The following ARHGAP30 variants were observed in gnomAD, a reference collection of about 807,000 sequenced individuals.
ARHGAP30 encodes the protein rho GTPase-activating protein 30.
In ARHGAP30, 23 loss-of-function variants were observed where a neutral mutation model predicts 72.0. The ratio of observed to expected loss-of-function variants is 0.32; its 90% CI spans 0.23 to 0.45. The LOEUF is 0.45. Ranked by LOEUF, ARHGAP30 falls within the 20% of genes least tolerant of loss-of-function variation. The probability of loss-of-function intolerance (pLI) is 1.00; values close to 1 mark genes in which losing one functional copy is unlikely to be tolerated. For synonymous variants in ARHGAP30, 576 were observed against 528.2 expected (o/e 1.09, Z -1.24); for missense variants, 1,319 against 1,383.4 (o/e 0.95, Z 0.74).
At position 161,055,822 on chromosome 1, in the gene ARHGAP30, T is replaced by C. The variant is rs1278554162; in HGVS notation, c.345+566A>G. Among the ~76,000 whole-genome samples, 128 of 38,146 alleles carry C rather than the reference T, an allele frequency of 3.4e-3. 1 individual carries two copies. The highest frequency in any genetic ancestry group is 6.2e-3 in the Non-Finnish European group (102 of 16,544). 25.0% of individuals were successfully genotyped at this position (38,146 alleles called of 152,430 possible). A position where few individuals can be genotyped will look rare whatever the true frequency, so the allele number is the denominator to read the frequency against. ...AATAAAATAATAAAATAAAATAAAA[T>C]AAAATAAAATAAAATAAAATAAATA... On this transcript the variant is annotated intron_variant, in intron 3 of 11. Transcript: ENST00000368013.
chr1:161,059,124 G>T (rs1249473198), intron 2 of ARHGAP30, among the ~76,000 whole-genome samples: 1 of 151,812 alleles, frequency 6.6e-6, no homozygotes, highest in Non-Finnish European at 1.5e-5. Context: ...TGCCTCCTGG[G>T]TTGGAGCAAT....
intron 1 of ARHGAP30, among the ~76,000 whole-genome samples, chr1:161,063,754 G>A (rs1398504971): frequency 6.6e-6 from 1 of 152,172 alleles, no homozygotes; most frequent in Non-Finnish European, 1.5e-5. Context: ...TCTCAGCATG[G>A]GATATCCCTG....
chr1:161,061,447 C>CCAGA (rs1170798581), intron 1 of ARHGAP30, among the ~76,000 whole-genome samples: 33 of 150,308 alleles, frequency 2.2e-4, no homozygotes, highest in African/African-American at 7.6e-4. Context: ...GCCACCGCGC[C>CCAGA]TGACCTGCTT....
intron 2 of ARHGAP30, among the ~76,000 whole-genome samples, chr1:161,057,553 G>A (rs750885150): frequency 1.1e-4 from 16 of 151,898 alleles, no homozygotes; most frequent in African/African-American, 3.4e-4. Flanking sequence ...TAGGAGGATC[G>A]CTTGAGCCTA....
chr1:161,053,377 T>G lies in ARHGAP30; in HGVS notation c.545A>C (p.Asp182Ala). ...VWAPNLLRSK[D>A]IEASGFNGTA... ...CCCATTGAAGCCTGAGGCCTCTATG[T>G]CCTTAGACCTGTGGAGATGTGGAAT... Residue 182 changes from aspartate to alanine, a missense_variant, in exon 6 of 12, where the codon GAC (aspartate) becomes GCC (alanine). By Grantham distance (126) the Asp-to-Ala change is moderately radical. Around this residue, in one of 2 missense-constraint regions of ARHGAP30, gnomAD observed 222 missense variants for 338.2 expected, o/e 0.66. Transcript: ENST00000368013. The G allele has an allele frequency of 6.2e-7, 1 of 1,613,894 alleles. No homozygotes were observed. Among genetic ancestry groups the G allele is most frequent in the Non-Finnish European group, 8.5e-7 (1 of 1,179,986 alleles).
Position 161,048,244 on chromosome 1 carries a change from G to A in ARHGAP30, c.2777C>T (p.Ser926Phe), listed in dbSNP as rs1651027550. The change falls in exon 12 of 12, where the codon TCC (serine) becomes TTC (phenylalanine). Residue 926 changes from serine to phenylalanine, a missense_variant. Physicochemically the swap from Ser to Phe is radical, Grantham distance 155. Coordinates refer to ENST00000368013, the MANE Select transcript of ARHGAP30 (RefSeq NM_001025598.2). The stretch of plus-strand genomic sequence containing the variant: ...GACCTGTTGGACCTGAACCAGAGTG[G>A]AAGCTAGACGCATGCCCACGCCACC... ...GLGGVGMRLA[S>F]TLVQVQQVRS... 6.2e-7 allele frequency: 1 copy of A among 1,614,062 alleles called. No individual in the cohort carries two copies. The highest frequency in any genetic ancestry group is 1.3e-5 in the African/African-American group (1 of 74,922).
chr1:161,063,645 G>A (rs1485625257), intron 1 of ARHGAP30, among the ~76,000 whole-genome samples: 1 of 152,264 alleles, frequency 6.6e-6, no homozygotes, highest in East Asian at 1.9e-4. Flanking sequence ...GGGAATAAGA[G>A]AGATAACCTT....
At position 161,052,682 on chromosome 1, in the gene ARHGAP30, G is replaced by A. The variant is rs751561911; in HGVS notation, c.780C>T (p.Gly260=). 1.9e-6 allele frequency: 3 copies of A among 1,613,698 alleles called. No individual in the cohort carries two copies. The highest frequency in any genetic ancestry group is 4.5e-5 in the East Asian group (2 of 44,874). ...AGGGCCGCATCTGTGGGGGTCCATC[G>A]CCAGCCTGCAGTATGCTAGGCAGGT... The part of the protein sequence containing the change: ...PYHLPSILQA[G]DGPPQMRPYH... The change falls in exon 7 of 12, where the codon GGC becomes GGT. Residue 260 remains glycine, a synonymous_variant. Transcript: ENST00000368013.
chr1:161,052,354 G>T lies in ARHGAP30; in HGVS notation c.950C>A (p.Ser317Tyr), dbSNP rs746481288. 3.0e-5 allele frequency: 49 copies of T among 1,613,868 alleles called. No homozygotes were observed. Among genetic ancestry groups the T allele is most frequent in the Non-Finnish European group, 1.9e-5 (22 of 1,180,032 alleles). ...PRGAEDREDK[S>Y]NKGTLRPAKS... ...GGCTGGCCGCAGTGTCCCCTTGTTG[G>T]ATTTATCCTCTGTAAGACAGGGATG... The change falls in exon 9 of 12, where the codon TCC (serine) becomes TAC (tyrosine). Residue 317 changes from serine to tyrosine, a missense_variant. By Grantham distance (144) the Ser-to-Tyr change is moderately radical (BLOSUM62 -2). Coordinates refer to ENST00000368013, the MANE Select transcript of ARHGAP30 (RefSeq NM_001025598.2).
In ARHGAP30 at chr1:161,046,984, A is replaced by G. The variant is rs752733646; in HGVS notation, c.*731T>C. 188 of 470,544 alleles carry G rather than the reference A, an allele frequency of 4.0e-4. 2 individuals are homozygous for G. Among genetic ancestry groups the G allele is most frequent in the South Asian group, 1.6e-3 (106 of 64,408 alleles). The allele number at this position is 470,544 out of a possible 1,614,324, so 29.1% of individuals were successfully genotyped here. A position where few individuals can be genotyped will look rare whatever the true frequency, so the allele number is the denominator to read the frequency against. ...CTTTTATTCTGAGACATTGACCTTC[A>G]CTAGAGTGGGACCTGTGGCCCCAGC... On this transcript the variant is annotated 3_prime_UTR_variant, in exon 12 of 12. Transcript: ENST00000368013.
chr1:161,059,344 T>G (rs996540476), intron 2 of ARHGAP30, among the ~76,000 whole-genome samples: 7 of 151,978 alleles, frequency 4.6e-5, no homozygotes, highest in African/African-American at 1.4e-4. Context: ...TTTTTTTTTT[T>G]TTTTTTTTTA....
At chr1:161,059,831 TAAA>T (rs1438361743) in intron 1 of ARHGAP30, 115 bp from the exon 2 acceptor site, 1 of 835,010 alleles carries the variant, frequency 1.2e-6, no homozygotes. Context: ...GCTCATGGAA[TAAA>T]AACTTGTCAG....
intron 1 of ARHGAP30, among the ~76,000 whole-genome samples, chr1:161,065,058 G>C (rs1483439184): frequency 6.6e-6 from 1 of 151,972 alleles, no homozygotes; most frequent in Non-Finnish European, 1.5e-5. Context: ...TATTTATTTT[G>C]AGTTGGGGTG....
At chr1:161,064,833 G>A (rs143022538) in intron 1 of ARHGAP30, among the ~76,000 whole-genome samples, 14,320 of 65,646 alleles carry the variant, frequency 0.22, 930 homozygotes, top group Middle Eastern at 0.3. Context: ...GAAAGAAAGA[G>A]AAAGAAAGAA....
In ARHGAP30 at chr1:161,052,583, G is replaced by C; in HGVS notation, c.837-40C>G. 1.9e-6 allele frequency: 3 copies of C among 1,613,958 alleles called. No individual in the cohort carries two copies. In the East Asian group the frequency reaches 6.7e-5, roughly 36 times the overall value. On this transcript the variant is annotated intron_variant, in intron 7 of 11. Coordinates refer to ENST00000368013, the MANE Select transcript of ARHGAP30 (RefSeq NM_001025598.2). ...GGGGCATAATTGGAGGTTGGAACAT[G>C]AAGGTCGGTGCAGGGGAGGAAGGCC... is the stretch of plus-strand genomic sequence containing the variant.
chr1:161,064,180 C>T (rs188937351), intron 1 of ARHGAP30, among the ~76,000 whole-genome samples: 51 of 152,318 alleles, frequency 3.3e-4, no homozygotes, highest in South Asian at 2.3e-3. Context: ...TGGGGCATCA[C>T]GGATCCTACC....
At chr1:161,067,184 G>A (rs1386457164) in intron 1 of ARHGAP30, among the ~76,000 whole-genome samples, 1 of 152,126 alleles carries the variant, frequency 6.6e-6, no homozygotes, top group Non-Finnish European at 1.5e-5. Context: ...CTACAGACAG[G>A]ATTGGAGCGA....
At position 161,052,652 on chromosome 1, in the gene ARHGAP30, A is replaced by G. The variant is rs1230742087; in HGVS notation, c.810T>C (p.His270=). 1.9e-6 allele frequency: 3 copies of G among 1,613,872 alleles called. No individual in the cohort carries two copies. Among genetic ancestry groups the G allele is most frequent in the Non-Finnish European group, 2.5e-6 (3 of 1,179,898 alleles). The change falls in exon 7 of 12, where the codon CAT becomes CAC. Residue 270 remains histidine (H), a synonymous_variant. Coordinates refer to ENST00000368013, the MANE Select transcript of ARHGAP30 (RefSeq NM_001025598.2). Reference sequence around the variant, plus strand: ...TGTGCTCTGCAATCTCGATGATAGTATGGTAGGGCCGCATCTGTGGGGGTC... The same window carrying G: ...TGTGCTCTGCAATCTCGATGATAGTGTGGTAGGGCCGCATCTGTGGGGGTC... ...GDGPPQMRPY[H]TIIEIAEHKR... is the part of the protein sequence containing the mutation.
intron 10 of ARHGAP30, 42 bp downstream of exon 10, chr1:161,051,272 C>G (rs1274182193): frequency 6.5e-7 from 1 of 1,529,300 alleles, no homozygotes; most frequent in African/African-American, 1.4e-5. Context: ...GCCTAGAGTT[C>G]CAGTCCCCTT....
Sources: gnomAD v4.1 joint callset for allele counts (sites outside exome capture counted in the v4.1 genomes callset) on GRCh38, gnomAD v4.1.1 for gene constraint, gnomAD v4.1.1 regional missense constraint, MANE v1.5 for transcripts, NCBI Gene and HGNC (gene_info 2026-07-23, HGNC 2026-07-21) for gene names.